Variants in ZSCAN20 observed in about 807,000 individuals in gnomAD.
The protein encoded by ZSCAN20 is zinc finger and SCAN domain containing 20.
Under a neutral mutation model 97.1 loss-of-function variants are expected in ZSCAN20, and 39 were observed. That is an observed-to-expected ratio of 0.40 (90% CI 0.31 to 0.52). The LOEUF is 0.52. Among genes scored for constraint, ZSCAN20 ranks in the 20% least tolerant of loss-of-function variants. The pLI is 0.49. For synonymous variants in ZSCAN20, 456 were observed against 467.3 expected, an observed-to-expected ratio of 0.98 and a Z score of 0.31; for missense variants, 1,115 against 1,290.4, an observed-to-expected ratio of 0.86 and a Z score of 2.08.
In ZSCAN20 at chr1:33,479,392, A is replaced by G. The variant is rs41265901; in HGVS notation, c.104A>G (p.Lys35Arg). 0.046 allele frequency: 74,122 copies of G among 1,614,194 alleles called. 2,033 individuals are homozygous for G. The highest frequency in any genetic ancestry group is 0.054 in the Non-Finnish European group (63,194 of 1,179,998). The part of the protein sequence containing the change: ...LEEDSWGSES[K>R]LWEKDRGSVS... ...GAGGACTCTTGGGGATCAGAATCCA[A>G]ACTCTGGGAGAAGGACCGTGGCTCT... Residue 35 changes from lysine (K) to arginine (R), a missense_variant, in exon 2 of 8, where the codon AAA becomes AGA. Coordinates refer to ENST00000684572, the MANE Select transcript of ZSCAN20 (RefSeq NM_001377376.1).
Position 33,491,319 on chromosome 1 carries a change from G to T in ZSCAN20, c.1061G>T (p.Arg354Leu). Residue 354 changes from arginine to leucine, a missense_variant, in exon 6 of 8, where the codon CGC becomes CTC. By Grantham distance (102) the Arg-to-Leu change is moderately radical. Around this residue, in one of 3 missense-constraint regions of ZSCAN20, gnomAD observed 508 missense variants for 611.2 expected, o/e 0.83. Coordinates refer to ENST00000684572, the MANE Select transcript of ZSCAN20 (RefSeq NM_001377376.1). This position sits in a 1 kb window ranked among gnomAD's most constrained non-coding sequence, Gnocchi z 4.3. ...SEKLRTCHQN[R>L]QVYRAIAEQL... ...AAGCTCCGGACTTGTCACCAGAACC[G>T]CCAGGTATATCGGGCCATTGCAGAG... 1 of 1,614,112 alleles carries T rather than the reference G, an allele frequency of 6.2e-7. No individual in the cohort carries two copies. The highest frequency in any genetic ancestry group is 8.5e-7 in the Non-Finnish European group (1 of 1,179,996).
rs1652605481 is a variant in ZSCAN20, at chr1:33,491,441, C to T, written c.1183C>T (p.Pro395Ser). Residue 395 changes from proline (P) to serine (S), a missense_variant, in exon 6 of 8, where the codon CCA becomes TCA. Around this residue, in one of 3 missense-constraint regions of ZSCAN20, gnomAD observed 508 missense variants for 611.2 expected, o/e 0.83. Transcript: ENST00000684572. The surrounding 1 kb of genome is among the most constrained non-coding windows in gnomAD (Gnocchi z 4.3). Reference sequence around the variant, plus strand: ...TTACCGGAAAGCCAAGAGCAGCCACCCACCAGGTACCTGCCCCTTCTATGA... The same window carrying T: ...TTACCGGAAAGCCAAGAGCAGCCACTCACCAGGTACCTGCCCCTTCTATGA... ...RNYRKAKSSH[P>S]PGTCPFYEEL... 5 of 1,614,144 alleles carry T rather than the reference C, an allele frequency of 3.1e-6. No homozygotes were observed. The highest frequency in any genetic ancestry group is 4.2e-6 in the Non-Finnish European group (5 of 1,180,018).
At chr1:33,482,440 TGGATG>T (rs1385321600) in intron 2 of ZSCAN20, among the ~76,000 whole-genome samples, 1 of 152,266 alleles carries the variant, frequency 6.6e-6, no homozygotes, top group Non-Finnish European at 1.5e-5. Context: ...TTCCGTTGTG[TGGATG>T]TACCACAGTT....
At position 33,491,795 on chromosome 1, in the gene ZSCAN20, T is replaced by C. The variant is rs980959036; in HGVS notation, c.1444+93T>C. 4.2e-5 allele frequency: 56 copies of C among 1,320,232 alleles called. No individual in the cohort carries two copies. The highest frequency in any genetic ancestry group is 5.2e-4 in the Middle Eastern group (2 of 3,832). 81.8% of individuals were successfully genotyped at this position (1,320,232 alleles called of 1,614,324 possible). On this transcript the variant is annotated intron_variant, in intron 6 of 7. Transcript: ENST00000684572. This position sits in a 1 kb window ranked among gnomAD's most constrained non-coding sequence, Gnocchi z 4.3. ...GAGGTCAGGGCACAGGCTGCAAGTCTGGATTGAAGCCACTAGAGTGAAGAG... is the reference window on the plus strand; with the variant it reads ...GAGGTCAGGGCACAGGCTGCAAGTCCGGATTGAAGCCACTAGAGTGAAGAG...
In ZSCAN20 at chr1:33,491,964, G is replaced by A. The variant is rs996167585; in HGVS notation, c.1444+262G>A. 10 of 351,744 alleles carry A rather than the reference G, an allele frequency of 2.8e-5. No homozygotes were observed. The highest frequency in any genetic ancestry group is 1.7e-4 in the African/African-American group (8 of 47,706). 21.8% of individuals were successfully genotyped at this position (351,744 alleles called of 1,614,324 possible). A position where few individuals can be genotyped will look rare whatever the true frequency, so the allele number is the denominator to read the frequency against. ...GTGAATCCAGTATTTCCAAAAGTGT[G>A]TCACTGGTAGTATGGGATGATCATC... On this transcript the variant is annotated intron_variant, in intron 6 of 7. Transcript: ENST00000684572. This position sits in a 1 kb window ranked among gnomAD's most constrained non-coding sequence, Gnocchi z 4.3.
At chr1:33,484,900 C>T (rs1274122502) in intron 2 of ZSCAN20, among the ~76,000 whole-genome samples, 1 of 151,922 alleles carries the variant, frequency 6.6e-6, no homozygotes, top group East Asian at 1.9e-4. Context: ...TATTACAGGT[C>T]TGAGCCACCA....
At chr1:33,474,892 C>A (rs956254178) in intron 1 of ZSCAN20, among the ~76,000 whole-genome samples, 2 of 152,216 alleles carry the variant, frequency 1.3e-5, no homozygotes, top group East Asian at 3.8e-4. Flanking sequence ...AACTTGTAGC[C>A]ACTGACTCTA....
At chr1:33,494,065 C>A (rs1652733529) in intron 7 of ZSCAN20, among the ~76,000 whole-genome samples, 153 bp from the exon 8 acceptor site, 1 of 152,174 alleles carries the variant, frequency 6.6e-6, no homozygotes, top group African/African-American at 2.4e-5. Context: ...TGATCAATTT[C>A]TTGTTAGTCA....
rs1652631232 is a variant in ZSCAN20 at position 33,491,816 on chromosome 1, A to T, written c.1444+114A>T. 10 of 1,085,424 alleles carry T rather than the reference A, an allele frequency of 9.2e-6. No individual in the cohort carries two copies. Among genetic ancestry groups the T allele is most frequent in the Non-Finnish European group, 1.2e-5 (9 of 768,916 alleles). The allele number at this position is 1,085,424 out of a possible 1,614,324, so 67.2% of individuals were successfully genotyped here. ...AGTCTGGATTGAAGCCACTAGAGTG[A>T]AGAGCTACATTCCTTAGGTCATCCT... On this transcript the variant is annotated intron_variant, in intron 6 of 7. Coordinates refer to ENST00000684572, the MANE Select transcript of ZSCAN20 (RefSeq NM_001377376.1). This position sits in a 1 kb window ranked among gnomAD's most constrained non-coding sequence, Gnocchi z 4.3.
In ZSCAN20 at chr1:33,491,420, C is replaced by T. The variant is rs373180455; in HGVS notation, c.1162C>T (p.Arg388Trp). The change falls in exon 6 of 8, where the codon CGG (arginine) becomes TGG (tryptophan). Residue 388 changes from arginine (R) to tryptophan (W), a missense_variant. By Grantham distance (101) the Arg-to-Trp change is moderately radical. Around this residue, in one of 3 missense-constraint regions of ZSCAN20, gnomAD observed 508 missense variants for 611.2 expected, o/e 0.83. Coordinates refer to ENST00000684572, the MANE Select transcript of ZSCAN20 (RefSeq NM_001377376.1). This position sits in a 1 kb window ranked among gnomAD's most constrained non-coding sequence, Gnocchi z 4.3. ...YRVKNLLRNY[R>W]KAKSSHPPGT... ...GGTCAAAAACCTCCTACGGAATTAC[C>T]GGAAAGCCAAGAGCAGCCACCCACC... 41 of 1,614,070 alleles carry T rather than the reference C, an allele frequency of 2.5e-5. No homozygotes were observed. The highest frequency in any genetic ancestry group is 3.3e-5 in the Non-Finnish European group (39 of 1,180,040).
At chr1:33,487,263 T>C (rs1279034956) in intron 2 of ZSCAN20, among the ~76,000 whole-genome samples, 1 of 152,204 alleles carries the variant, frequency 6.6e-6, no homozygotes, top group African/African-American at 2.4e-5. Flanking sequence ...TGTGAGTCTA[T>C]TATCTATTGA....
intron 1 of ZSCAN20, among the ~76,000 whole-genome samples, chr1:33,477,233 T>C (rs919453528): frequency 5.9e-5 from 9 of 152,326 alleles, no homozygotes; most frequent in Non-Finnish European, 1.0e-4. Flanking sequence ...CAGGTAGCCA[T>C]GAGTTGTGCT....
chr1:33,493,125 T>A lies in ZSCAN20; in HGVS notation c.1445-62T>A. 6.5e-7 allele frequency: 1 copy of A among 1,530,272 alleles called. No homozygotes were observed. Among genetic ancestry groups the A allele is most frequent in the Non-Finnish European group, 8.9e-7 (1 of 1,120,590 alleles). 94.8% of individuals were successfully genotyped at this position (1,530,272 alleles called of 1,614,324 possible). A position where few individuals can be genotyped will look rare whatever the true frequency, so the allele number is the denominator to read the frequency against. On this transcript the variant is annotated intron_variant, in intron 6 of 7. Coordinates refer to ENST00000684572, the MANE Select transcript of ZSCAN20 (RefSeq NM_001377376.1). This position sits in a 1 kb window ranked among gnomAD's most constrained non-coding sequence, Gnocchi z 4.3. ...TATTTTGAAGGGCAGGTGACTTTAT[T>A]CTCTGATGACCTAGGCACATCTCAT...
In ZSCAN20 at chr1:33,493,189, G is replaced by A. The variant is rs1304602398; in HGVS notation, c.1447G>A (p.Gly483Ser). ...APALFQSRIA[G>S]VHWGYEETKA... ...TCTCAACTCTTCACTCCTGACAGCA[G>A]GTGTGCACTGGGGCTATGAGGAGAC... The change falls in exon 7 of 8, where the codon GGT (glycine) becomes AGT (serine). Residue 483 changes from glycine to serine, a missense_variant and splice_region_variant. By Grantham distance (56) the Gly-to-Ser change is moderately conservative. Transcript: ENST00000684572. The surrounding 1 kb of genome is among the most constrained non-coding windows in gnomAD (Gnocchi z 4.3). 2 of 1,613,266 alleles carry A rather than the reference G, an allele frequency of 1.2e-6. No homozygotes were observed. The highest frequency in any genetic ancestry group is 3.3e-5 in the Admixed American group (2 of 60,012).
At chr1:33,483,548 C>T (rs528570617) in intron 2 of ZSCAN20, among the ~76,000 whole-genome samples, 69 of 151,740 alleles carry the variant, frequency 4.5e-4, no homozygotes, top group Admixed American at 7.9e-4. Context: ...TTCATATAAA[C>T]TGCACATGGC....
chr1:33,489,400 C>G, intron 4 of ZSCAN20, 118 bp from the exon 5 acceptor site: 1 of 1,116,454 alleles, frequency 9.0e-7, no homozygotes, highest in Non-Finnish European at 1.3e-6. Flanking sequence ...CCTTATGATG[C>G]CAGCTTCACA....
At chr1:33,486,631 A>C (rs1249581090) in intron 2 of ZSCAN20, among the ~76,000 whole-genome samples, 1 of 152,118 alleles carries the variant, frequency 6.6e-6, no homozygotes, top group African/African-American at 2.4e-5. Flanking sequence ...CTGTGTCCAA[A>C]ATTACCATCC....
In ZSCAN20 at chr1:33,493,221, C is replaced by G; in HGVS notation, c.1479C>G (p.Ala493=). The G allele has an allele frequency of 6.2e-7, 1 of 1,614,170 alleles. No homozygotes were observed. Among genetic ancestry groups the G allele is most frequent in the Non-Finnish European group, 8.5e-7 (1 of 1,180,010 alleles). ...GVHWGYEETK[A]FLAILSESPF... The stretch of plus-strand genomic sequence containing the variant: ...ACTGGGGCTATGAGGAGACCAAGGC[C>G]TTCCTGGCAATTCTCAGTGAGTCCC... The change falls in exon 7 of 8, where the codon GCC becomes GCG. Residue 493 remains alanine (A), a synonymous_variant. Coordinates refer to ENST00000684572, the MANE Select transcript of ZSCAN20 (RefSeq NM_001377376.1). The surrounding 1 kb of genome is among the most constrained non-coding windows in gnomAD (Gnocchi z 4.3).
intron 2 of ZSCAN20, among the ~76,000 whole-genome samples, chr1:33,482,996 T>G (rs1165643878): frequency 1.3e-5 from 2 of 152,234 alleles, no homozygotes; most frequent in Non-Finnish European, 2.9e-5. Context: ...GCAAATATAT[T>G]CTCCCAGTCT....
Sources: allele counts gnomAD v4.1 joint callset (sites outside exome capture counted in the v4.1 genomes callset), GRCh38; gene constraint gnomAD v4.1.1; regional missense constraint gnomAD v4.1.1; non-coding constraint Gnocchi (gnomAD v3.1); transcripts MANE v1.5; gene names NCBI Gene and HGNC (gene_info 2026-07-23, HGNC 2026-07-21).